Variants in PTPRD observed in about 807,000 individuals in gnomAD.
The protein encoded by PTPRD is protein tyrosine phosphatase receptor type D.
A neutral mutation model predicts 214.5 loss-of-function variants in PTPRD; 34 were observed. The observed-to-expected ratio is 0.16, with a 90% confidence interval of 0.12 to 0.21. The LOEUF is 0.21. Ranked by LOEUF, PTPRD falls within the 10% of genes least tolerant of loss-of-function variation. The pLI is 1.00. For synonymous variants in PTPRD, 1,128 were observed against 845.7 expected (o/e 1.33, Z -5.79); for missense variants, 2,545 against 2,398.7 (o/e 1.06, Z -1.27).
chr9:8,643,195 A>C (rs1468735396), intron 12 of PTPRD, among the ~76,000 whole-genome samples: 1 of 152,236 alleles, frequency 6.6e-6, no homozygotes, highest in Non-Finnish European at 1.5e-5. Flanking sequence ...TTTAGAATGG[A>C]ATAAAGAAAT....
intron 10 of PTPRD, among the ~76,000 whole-genome samples, chr9:9,051,136 A>G (rs985387708): frequency 6.6e-6 from 1 of 152,172 alleles, no homozygotes; most frequent in African/African-American, 2.4e-5. Context: ...CATATTCTAT[A>G]TTTAACAATA....
chr9:9,166,598 T>C (rs1386628562), intron 10 of PTPRD, among the ~76,000 whole-genome samples: 1 of 152,186 alleles, frequency 6.6e-6, no homozygotes, highest in South Asian at 2.1e-4. Flanking sequence ...AGCCCTCTCC[T>C]CTGCTGCAAC....
intron 12 of PTPRD, among the ~76,000 whole-genome samples, chr9:8,708,129 A>T (rs1338918844): frequency 6.6e-6 from 1 of 152,234 alleles, no homozygotes; most frequent in Non-Finnish European, 1.5e-5. Context: ...TGCCGTGTAT[A>T]AAATTTATAT....
chr9:8,446,469 T>G (rs1367489199), intron 34 of PTPRD, among the ~76,000 whole-genome samples: 1 of 152,228 alleles, frequency 6.6e-6, no homozygotes. Flanking sequence ...TAATGTTTGT[T>G]TGCTATTTTA....
At chr9:8,743,289 G>A (rs1392779505) in intron 11 of PTPRD, among the ~76,000 whole-genome samples, 3 of 152,140 alleles carry the variant, frequency 2.0e-5, no homozygotes, top group Admixed American at 2.0e-4. Flanking sequence ...TGCCTTAAAA[G>A]TTTAGTTCAC....
chr9:8,992,136 A>G (rs1245415921), intron 11 of PTPRD, among the ~76,000 whole-genome samples: 1 of 152,082 alleles, frequency 6.6e-6, no homozygotes, highest in Non-Finnish European at 1.5e-5. Flanking sequence ...TACTATTATG[A>G]CAGACAAATT....
In PTPRD at chr9:9,752,760, T is replaced by C. The variant is rs2098533422; in HGVS notation, c.-326+14050A>G. ...GCTGTATACAATTTTAGAAAAATCG[T>C]TTTACATTGTTTAGAAGATCCATTA... On this transcript the variant is annotated intron_variant, in intron 6 of 45. Transcript: ENST00000381196. 4.6e-5 allele frequency among the ~76,000 whole-genome samples: 7 copies of C among 152,126 alleles called. No homozygotes were observed. The South Asian group carries it at 1.2e-3, about 27-fold the overall frequency.
At chr9:8,402,261 C>G (rs897385616) in intron 36 of PTPRD, among the ~76,000 whole-genome samples, 1 of 152,106 alleles carries the variant, frequency 6.6e-6, no homozygotes, top group Non-Finnish European at 1.5e-5. Flanking sequence ...TATAAAAAGA[C>G]AGGTTTTCGT....
chr9:9,078,059 A>G (rs1233281896), intron 10 of PTPRD, among the ~76,000 whole-genome samples: 2 of 152,068 alleles, frequency 1.3e-5, no homozygotes, highest in Non-Finnish European at 2.9e-5. Context: ...GACATTTTCA[A>G]TGGCTTATGA....
chr9:10,417,862 A>G (rs2098507371), intron 2 of PTPRD, among the ~76,000 whole-genome samples: 1 of 151,768 alleles, frequency 6.6e-6, no homozygotes, highest in Admixed American at 6.6e-5. Context: ...TTAACTTGCC[A>G]GCAGCACTTC....
In PTPRD at chr9:9,638,453, T is replaced by A. The variant is rs536791176; in HGVS notation, c.-286-63672A>T. On this transcript the variant is annotated intron_variant, in intron 7 of 45. Coordinates refer to ENST00000381196, the MANE Select transcript of PTPRD (RefSeq NM_002839.4). ...ATTTATCCAGTTTTAAATATCCTTG[T>A]TCCTCGTTTCTGTGTAAAACCTCAT... is the stretch of plus-strand genomic sequence containing the variant. Among the ~76,000 whole-genome samples the A allele has an allele frequency of 5.3e-5, 8 of 152,324 alleles. No individual in the cohort carries two copies. The South Asian group carries it at 1.4e-3, about 28-fold the overall frequency.
chr9:8,590,054 A>G (rs1296848029), intron 14 of PTPRD, among the ~76,000 whole-genome samples: 1 of 152,110 alleles, frequency 6.6e-6, no homozygotes, highest in Non-Finnish European at 1.5e-5. Context: ...CGAGGTTCCA[A>G]GGATTATGAC....
At chr9:8,524,152 G>A (rs1040074622) in intron 18 of PTPRD, among the ~76,000 whole-genome samples, 2 of 152,192 alleles carry the variant, frequency 1.3e-5, no homozygotes, top group Admixed American at 6.5e-5. Flanking sequence ...TGAATGGAAA[G>A]GCATAGCCAT....
At position 10,111,239 on chromosome 9, in the gene PTPRD, T is replaced by TC. The variant is rs1385105986; in HGVS notation, c.-544-77450_-544-77449insG. On this transcript the variant is annotated intron_variant, in intron 3 of 45. Coordinates refer to ENST00000381196, the MANE Select transcript of PTPRD (RefSeq NM_002839.4). ...CTTCCAGTTTAGTTTCTTTTTTTTT[T>TC]TTTTTTTTTTTTTTTTTGAGACGGA... Among the ~76,000 whole-genome samples, 102 of 129,022 alleles carry TC rather than the reference T, an allele frequency of 7.9e-4. 1 individual carries two copies. Among genetic ancestry groups the TC allele is most frequent in the African/African-American group, 3.0e-3 (99 of 32,706 alleles). 84.6% of individuals were successfully genotyped at this position (129,022 alleles called of 152,430 possible). A position where few individuals can be genotyped will look rare whatever the true frequency, so the allele number is the denominator to read the frequency against.
At chr9:9,326,131 A>C (rs180831985) in intron 9 of PTPRD, among the ~76,000 whole-genome samples, 1 of 152,062 alleles carries the variant, frequency 6.6e-6, no homozygotes, top group South Asian at 2.1e-4. Flanking sequence ...CTCTGATATA[A>C]CTATGAGGGT....
intron 33 of PTPRD, among the ~76,000 whole-genome samples, chr9:8,453,729 A>C (rs1389940648): frequency 6.6e-6 from 1 of 152,158 alleles, no homozygotes; most frequent in African/African-American, 2.4e-5. Context: ...GGCTTGTTAA[A>C]ATACAGCCTG....
chr9:8,365,969 CAG>C (rs2079763452), intron 39 of PTPRD, among the ~76,000 whole-genome samples: 1 of 152,152 alleles, frequency 6.6e-6, no homozygotes, highest in African/African-American at 2.4e-5. Context: ...TTTTAAGCCA[CAG>C]TGTTTTGGGT....
chr9:10,504,587 G>C (rs1188450171), intron 2 of PTPRD, among the ~76,000 whole-genome samples: 1 of 151,988 alleles, frequency 6.6e-6, no homozygotes, highest in Non-Finnish European at 1.5e-5. Context: ...AAATTTGTTT[G>C]GAACTTTGAT....
At chr9:10,279,914 A>G (rs114466556) in intron 3 of PTPRD, among the ~76,000 whole-genome samples, 10,222 of 152,170 alleles carry the variant, frequency 0.067, 785 homozygotes, top group Admixed American at 0.17. Context: ...TTTAACTAGT[A>G]AGAATTCCAC....
Sources: allele counts gnomAD v4.1 joint callset (sites outside exome capture counted in the v4.1 genomes callset), GRCh38; gene constraint gnomAD v4.1.1; transcripts MANE v1.5; gene names NCBI Gene and HGNC (gene_info 2026-07-23, HGNC 2026-07-21).